ESRRG: variants seen among roughly 807,000 people sequenced by gnomAD.
ESRRG encodes estrogen-related receptor gamma.
ESRRG carries 13 observed loss-of-function variants against 44.0 expected under a neutral mutation model. That is an observed-to-expected ratio of 0.30 (90% CI 0.19 to 0.47). The LOEUF is 0.47. ESRRG is among the 20% of genes least tolerant of loss of function. ESRRG has a pLI of 1.00. For synonymous variants in ESRRG, 215 were observed against 214.6 expected, an observed-to-expected ratio of 1.00 and a Z score of -0.02; for missense variants, 395 against 580.6, an observed-to-expected ratio of 0.68 and a Z score of 3.29.
At chr1:216,573,789 T>A (rs1366452216) in intron 3 of ESRRG, among the ~76,000 whole-genome samples, 1 of 151,924 alleles carries the variant, frequency 6.6e-6, no homozygotes, top group Non-Finnish European at 1.5e-5. Context: ...TTTCCTGAGT[T>A]TAGCTGTAAG....
At chr1:216,845,712 CATCCT>C (rs1394274492) in intron 2 of ESRRG, among the ~76,000 whole-genome samples, 1 of 152,012 alleles carries the variant, frequency 6.6e-6, no homozygotes, top group Non-Finnish European at 1.5e-5. Context: ...CTTTCTAACT[CATCCT>C]ATCCTTGTCT....
intron 1 of ESRRG, among the ~76,000 whole-genome samples, chr1:216,696,382 GA>G (rs1435389666): frequency 1.3e-5 from 2 of 152,056 alleles, no homozygotes; most frequent in Non-Finnish European, 2.9e-5. Flanking sequence ...ATCTTCTAAA[GA>G]TTTTTTTATT....
chr1:216,575,821 G>A (rs898043926), intron 3 of ESRRG, among the ~76,000 whole-genome samples: 1 of 152,064 alleles, frequency 6.6e-6, no homozygotes, highest in Admixed American at 6.6e-5. Context: ...AACAATACCT[G>A]CATCATGATA....
At chr1:216,951,976 A>G (rs574575805) in intron 1 of ESRRG, among the ~76,000 whole-genome samples, 1 of 151,992 alleles carries the variant, frequency 6.6e-6, no homozygotes, top group Non-Finnish European at 1.5e-5. Context: ...ACACATCCTG[A>G]ATTCCTTAAT....
At chr1:216,863,236 C>T (rs757240948) in intron 2 of ESRRG, 7 of 152,024 alleles carry the variant, frequency 4.6e-5, no homozygotes, top group Non-Finnish European at 1.0e-4. Flanking sequence ...GTCCCAGGAC[C>T]ACACTTTTAG....
chr1:216,840,941 G>A (rs1430042769), intron 2 of ESRRG, among the ~76,000 whole-genome samples: 1 of 152,104 alleles, frequency 6.6e-6, no homozygotes, highest in Non-Finnish European at 1.5e-5. Context: ...AAATACAGCA[G>A]AATACTGCAA....
intron 2 of ESRRG, among the ~76,000 whole-genome samples, chr1:216,897,531 C>T (rs1442693332): frequency 6.6e-6 from 1 of 152,076 alleles, no homozygotes; most frequent in Non-Finnish European, 1.5e-5. Context: ...GACTTACAAC[C>T]CATTTATATA....
intron 2 of ESRRG, among the ~76,000 whole-genome samples, chr1:216,829,990 T>C (rs1408446085): frequency 6.6e-6 from 1 of 152,070 alleles, no homozygotes; most frequent in Non-Finnish European, 1.5e-5. Flanking sequence ...CTAAGCAATA[T>C]CATGTTTCTA....
intron 1 of ESRRG, among the ~76,000 whole-genome samples, chr1:217,087,584 C>G (rs2092155585): frequency 6.6e-6 from 1 of 152,144 alleles, no homozygotes; most frequent in Admixed American, 6.5e-5. Flanking sequence ...AGAAGACCAG[C>G]AGGTTTCAGT....
chr1:216,779,837 C>G (rs532460790), intron 2 of ESRRG, among the ~76,000 whole-genome samples: 2 of 151,456 alleles, frequency 1.3e-5, no homozygotes, highest in African/African-American at 4.9e-5. Context: ...TGACCTTGGA[C>G]AGCTGGCTTA....
At chr1:216,913,520 A>T (rs548908596) in intron 2 of ESRRG, among the ~76,000 whole-genome samples, 1 of 152,246 alleles carries the variant, frequency 6.6e-6, no homozygotes, top group Non-Finnish European at 1.5e-5. Context: ...GTTTAAAATA[A>T]TGTATCATTA....
At chr1:216,965,333 CATTTTTTCAAGATGTAGATGAATTT>C (rs71556668) in intron 1 of ESRRG, among the ~76,000 whole-genome samples, 12,563 of 152,116 alleles carry the variant, frequency 0.083, 721 homozygotes, top group East Asian at 0.17. Context: ...TCAGCAGCTC[CATTTTTTCAAGATGTAGATGAATTT>C]TTTAATGCAA....
chr1:216,758,165 CATTA>C lies in ESRRG; in HGVS notation c.-13-80678_-13-80675del, dbSNP rs1397736633. 5.9e-5 allele frequency among the ~76,000 whole-genome samples: 9 copies of C among 152,144 alleles called. No homozygotes were observed. In the Middle Eastern group the frequency reaches 0.01, roughly 172 times the overall value. Reference sequence around the variant, plus strand: ...TCTGAATTAGATTCCCATTCACTTCCATTAATTGTCACCTCCAATAGAATATTGT... The same window carrying C: ...TCTGAATTAGATTCCCATTCACTTCCATTGTCACCTCCAATAGAATATTGT... On this transcript the variant is annotated intron_variant, in intron 2 of 7. Coordinates refer to the ESRRG transcript ENST00000359162.
At chr1:216,855,103 T>C (rs975205594) in intron 2 of ESRRG, 1 of 152,110 alleles carries the variant, frequency 6.6e-6, no homozygotes, top group Non-Finnish European at 1.5e-5. Context: ...TTTGGAAGAA[T>C]TTTTCCCATA....
chr1:216,790,614 A>T (rs2094290042), intron 2 of ESRRG, among the ~76,000 whole-genome samples: 1 of 152,164 alleles, frequency 6.6e-6, no homozygotes, highest in Admixed American at 6.5e-5. Context: ...TTAAAAATAT[A>T]TAGTACATTT....
At chr1:216,695,926 TA>T (rs1296508145) in intron 1 of ESRRG, among the ~76,000 whole-genome samples, 7 of 152,194 alleles carry the variant, frequency 4.6e-5, no homozygotes, top group African/African-American at 1.7e-4. Flanking sequence ...AAGTTACTGT[TA>T]GGCAATTTCC....
At chr1:217,057,705 A>G (rs1198928364) in intron 1 of ESRRG, among the ~76,000 whole-genome samples, 1 of 152,192 alleles carries the variant, frequency 6.6e-6, no homozygotes. Context: ...ATAAAGAGAT[A>G]AAAAGGATTT....
At chr1:217,098,985 C>G (rs945322414) in intron 1 of ESRRG, among the ~76,000 whole-genome samples, 6 of 152,176 alleles carry the variant, frequency 3.9e-5, no homozygotes, top group Non-Finnish European at 5.9e-5. Flanking sequence ...CTGCTTTATT[C>G]TTTTCCCCCA....
chr1:216,943,159 G>A (rs909056857), intron 1 of ESRRG, among the ~76,000 whole-genome samples: 1 of 152,122 alleles, frequency 6.6e-6, no homozygotes, highest in Admixed American at 6.6e-5. Flanking sequence ...TGAATGATCT[G>A]CCCTACCATG....
Sources: allele counts gnomAD v4.1 joint callset (sites outside exome capture counted in the v4.1 genomes callset), GRCh38; gene constraint gnomAD v4.1.1; transcripts MANE v1.5; gene names NCBI Gene and HGNC (gene_info 2026-07-23, HGNC 2026-07-21).